Variants in CREB5 observed in about 807,000 individuals in gnomAD.
The protein encoded by CREB5 is cAMP responsive element binding protein 5, also known as cyclic AMP-responsive element-binding protein 5.
In CREB5, 19 loss-of-function variants were observed where a neutral mutation model predicts 57.1. The ratio of observed to expected loss-of-function variants is 0.33; its 90% CI spans 0.23 to 0.49. The LOEUF (loss-of-function observed/expected upper bound fraction) is 0.49, where lower values mean the gene tolerates loss of function less well. CREB5 is among the 20% of genes least tolerant of loss of function. The pLI is 0.99. For synonymous variants in CREB5, 238 were observed against 238.3 expected (o/e 1.00, Z 0.01); for missense variants, 579 against 671.6 (o/e 0.86, Z 1.52).
chr7:28,371,153 G>A (rs1324486110), intron 1 of CREB5, among the ~76,000 whole-genome samples: 1 of 152,164 alleles, frequency 6.6e-6, no homozygotes. Context: ...AACCAGAAGA[G>A]GTAAAGAGAC....
chr7:28,499,926 T>C (rs1037890368), intron 3 of CREB5, among the ~76,000 whole-genome samples: 1 of 152,158 alleles, frequency 6.6e-6, no homozygotes, highest in Non-Finnish European at 1.5e-5. Context: ...CCTGCTGACG[T>C]CATGGCCCAG....
intron 7 of CREB5, among the ~76,000 whole-genome samples, chr7:28,734,354 T>G (rs56130729): frequency 0.01 from 1,529 of 152,292 alleles, 21 homozygotes; most frequent in African/African-American, 0.035. Context: ...AAAATTTCCT[T>G]TGCCTTTTTT....
chr7:28,700,651 G>A (rs1801807002), intron 5 of CREB5, among the ~76,000 whole-genome samples: 1 of 152,188 alleles, frequency 6.6e-6, no homozygotes. Flanking sequence ...TAGGAAAAGT[G>A]AGGAGTAAAA....
intron 5 of CREB5, among the ~76,000 whole-genome samples, chr7:28,682,987 G>A (rs750084724): frequency 3.3e-5 from 5 of 152,176 alleles, no homozygotes; most frequent in African/African-American, 4.8e-5. Context: ...ACAGCTGCGC[G>A]GTACCCACCA....
chr7:28,771,563 C>T (rs1050869747), intron 7 of CREB5, among the ~76,000 whole-genome samples: 4 of 152,072 alleles, frequency 2.6e-5, no homozygotes, highest in African/African-American at 9.7e-5. Flanking sequence ...ATCAGGCTCC[C>T]GGTACGTGTG....
Position 28,660,450 on chromosome 7 carries a change from G to A in CREB5, c.465-58303G>A, listed in dbSNP as rs140093057. Among the ~76,000 whole-genome samples, 274 of 140,640 alleles carry A rather than the reference G, an allele frequency of 1.9e-3. 1 individual carries two copies. In the East Asian group the frequency reaches 0.021, roughly 11 times the overall value. The allele number at this position is 140,640 out of a possible 152,430, so 92.3% of individuals were successfully genotyped here. A position where few individuals can be genotyped will look rare whatever the true frequency, so the allele number is the denominator to read the frequency against. On this transcript the variant is annotated intron_variant, in intron 5 of 10. Coordinates refer to ENST00000357727, the MANE Select transcript of CREB5 (RefSeq NM_182898.4). ...TTCTGTTATTCTGAAGAGATACAAC[G>A]GTAAGCAAAAGCAGAGTTACTTCTT...
At chr7:28,477,494 A>T (rs1791126380) in intron 1 of CREB5, among the ~76,000 whole-genome samples, 2 of 152,204 alleles carry the variant, frequency 1.3e-5, no homozygotes, top group Admixed American at 1.3e-4. Context: ...CATTTAAAGA[A>T]ATCCTCTTTC....
intron 4 of CREB5, among the ~76,000 whole-genome samples, chr7:28,536,413 C>T (rs1426963299): frequency 2.6e-5 from 4 of 152,172 alleles, no homozygotes; most frequent in African/African-American, 7.2e-5. Flanking sequence ...CCAACTGCAG[C>T]GCTCCCTTCC....
intron 1 of CREB5, among the ~76,000 whole-genome samples, chr7:28,398,621 C>T (rs1039829166): frequency 2.6e-5 from 4 of 152,146 alleles, no homozygotes; most frequent in African/African-American, 4.8e-5. Flanking sequence ...TCTTTCTAAA[C>T]TGTATATTAT....
chr7:28,587,582 CAT>C (rs963342750), intron 5 of CREB5, among the ~76,000 whole-genome samples: 4 of 152,068 alleles, frequency 2.6e-5, no homozygotes, highest in East Asian at 1.9e-4. Context: ...AGGAGAGACT[CAT>C]ATTAAAATCC....
chr7:28,306,552 TTTG>T (rs1562649526), intron 1 of CREB5, among the ~76,000 whole-genome samples: 57 of 89,966 alleles, frequency 6.3e-4, no homozygotes, highest in African/African-American at 1.4e-3. Flanking sequence ...TTTTGTTTTT[TTTG>T]TTTTTTTTTT....
chr7:28,342,211 T>G (rs1785950596), intron 1 of CREB5, among the ~76,000 whole-genome samples: 1 of 152,212 alleles, frequency 6.6e-6, no homozygotes, highest in Non-Finnish European at 1.5e-5. Context: ...GTGAAAATAT[T>G]AATGCATTTA....
chr7:28,499,012 C>T (rs371312111), intron 3 of CREB5, among the ~76,000 whole-genome samples: 2 of 152,080 alleles, frequency 1.3e-5, no homozygotes, highest in Non-Finnish European at 2.9e-5. Context: ...TATGATGCAA[C>T]GTTTGGTTTG....
At chr7:28,336,707 C>A (rs1343005986) in intron 1 of CREB5, among the ~76,000 whole-genome samples, 1 of 151,796 alleles carries the variant, frequency 6.6e-6, no homozygotes, top group Non-Finnish European at 1.5e-5. Context: ...CTGCTCTGAT[C>A]TTTACTATTT....
At chr7:28,695,806 GCTTCCTCCCT>G (rs1485094337) in intron 5 of CREB5, among the ~76,000 whole-genome samples, 3 of 152,074 alleles carry the variant, frequency 2.0e-5, no homozygotes, top group Non-Finnish European at 4.4e-5. Context: ...TGAACACACT[GCTTCCTCCCT>G]CTTCCTCCCC....
chr7:28,710,426 A>T (rs567197701), intron 5 of CREB5, among the ~76,000 whole-genome samples: 1 of 152,362 alleles, frequency 6.6e-6, no homozygotes, highest in Admixed American at 6.5e-5. Flanking sequence ...GTAAACAGGT[A>T]GACATAATAT....
chr7:28,764,549 G>T (rs1805850510), intron 7 of CREB5, among the ~76,000 whole-genome samples: 1 of 152,156 alleles, frequency 6.6e-6, no homozygotes, highest in Admixed American at 6.5e-5. Context: ...GATGGTCTTA[G>T]ACTATTTGAT....
intron 1 of CREB5, among the ~76,000 whole-genome samples, chr7:28,321,848 C>G (rs1459158993): frequency 3.3e-5 from 5 of 152,208 alleles, no homozygotes; most frequent in Non-Finnish European, 5.9e-5. Context: ...GGGTGGCCCC[C>G]TTCTGAGTGT....
intron 1 of CREB5, among the ~76,000 whole-genome samples, chr7:28,457,441 A>G (rs1159631650): frequency 6.6e-6 from 1 of 152,180 alleles, no homozygotes; most frequent in African/African-American, 2.4e-5. Flanking sequence ...GTTGCTGCTC[A>G]TTGGTGGATC....
Sources: gnomAD v4.1 joint callset for allele counts (sites outside exome capture counted in the v4.1 genomes callset) on GRCh38, gnomAD v4.1.1 for gene constraint, MANE v1.5 for transcripts, NCBI Gene and HGNC (gene_info 2026-07-23, HGNC 2026-07-21) for gene names.